SGCZ: variants seen among roughly 807,000 people sequenced by gnomAD.
SGCZ encodes the protein zeta-sarcoglycan.
In SGCZ, 40 loss-of-function variants were observed where a neutral mutation model predicts 41.3. The observed-to-expected ratio is 0.97, with a 90% CI of 0.75 to 1.26. The LOEUF (loss-of-function observed/expected upper bound fraction) is 1.26. Ranked by LOEUF, SGCZ falls within the 50% of genes most tolerant of loss-of-function variation. SGCZ has a pLI of 0.00. For missense variants in SGCZ, 552 were observed against 369.8 expected (o/e 1.49, Z -4.04); for synonymous variants, 206 against 137.5 (o/e 1.50, Z -3.49).
At chr8:14,813,711 G>C (rs931166186) in intron 1 of SGCZ, among the ~76,000 whole-genome samples, 6 of 152,116 alleles carry the variant, frequency 3.9e-5, no homozygotes, top group Non-Finnish European at 8.8e-5. Context: ...CAACACTTTC[G>C]GAGAGGGAGG....
chr8:15,050,369 A>G (rs558013105), intron 1 of SGCZ, among the ~76,000 whole-genome samples: 126 of 152,274 alleles, frequency 8.3e-4, no homozygotes, highest in Middle Eastern at 3.4e-3. Flanking sequence ...GAGCTAACCT[A>G]TTTATGGCAC....
chr8:14,511,023 T>A (rs1486043179), intron 2 of SGCZ, among the ~76,000 whole-genome samples: 1 of 152,034 alleles, frequency 6.6e-6, no homozygotes, highest in Non-Finnish European at 1.5e-5. Context: ...ATATTTATTT[T>A]TCTTTTGGAT....
chr8:14,228,287 G>A (rs1390839848), intron 4 of SGCZ, among the ~76,000 whole-genome samples: 2 of 152,048 alleles, frequency 1.3e-5, no homozygotes, highest in Non-Finnish European at 2.9e-5. Context: ...ACTTGGTTAA[G>A]TATATAAGCT....
At chr8:14,801,046 T>G (rs2130502316) in intron 1 of SGCZ, among the ~76,000 whole-genome samples, 1 of 152,328 alleles carries the variant, frequency 6.6e-6, no homozygotes. Context: ...TGAGTGTTTC[T>G]GAATTATATT....
Position 14,515,168 on chromosome 8 carries a change from A to G in SGCZ, c.234+39564T>C, listed in dbSNP as rs183899204. The stretch of plus-strand genomic sequence containing the variant: ...TCCCTGACTGCATTACCATTGCTTT[A>G]CATGTCACTCCTCCTCCAATAAAAC... On this transcript the variant is annotated intron_variant, in intron 2 of 7. Transcript: ENST00000382080. Among the ~76,000 whole-genome samples the G allele has an allele frequency of 5.2e-3, 795 of 152,012 alleles. 9 individuals are homozygous for G. The highest frequency in any genetic ancestry group is 0.02 in the South Asian group (97 of 4,814).
chr8:14,185,257 A>G (rs532766625), intron 4 of SGCZ, among the ~76,000 whole-genome samples: 2 of 152,214 alleles, frequency 1.3e-5, no homozygotes, highest in African/African-American at 4.8e-5. Context: ...CAAAAAAATT[A>G]GCTGCACATG....
At chr8:14,650,885 T>C (rs970369347) in intron 1 of SGCZ, among the ~76,000 whole-genome samples, 1 of 152,078 alleles carries the variant, frequency 6.6e-6, no homozygotes, top group African/African-American at 2.4e-5. Context: ...AAAATTTTAC[T>C]ATATACAGGC....
chr8:14,687,579 T>C (rs2117559971), intron 1 of SGCZ, among the ~76,000 whole-genome samples: 1 of 152,080 alleles, frequency 6.6e-6, no homozygotes, highest in Non-Finnish European at 1.5e-5. Context: ...CACATTTTCT[T>C]AATCCAGTCT....
chr8:14,334,991 T>A (rs1395074402), intron 2 of SGCZ, among the ~76,000 whole-genome samples: 3 of 152,140 alleles, frequency 2.0e-5, no homozygotes, highest in Admixed American at 6.5e-5. Context: ...GATATCCTTC[T>A]GAGCTGGGAC....
intron 2 of SGCZ, among the ~76,000 whole-genome samples, chr8:14,366,382 G>T (rs1259895350): frequency 6.6e-6 from 1 of 152,074 alleles, no homozygotes. Flanking sequence ...ATCCGATCTT[G>T]TAAGAATTCA....
At chr8:14,730,157 A>G (rs533768453) in intron 1 of SGCZ, among the ~76,000 whole-genome samples, 5 of 152,312 alleles carry the variant, frequency 3.3e-5, no homozygotes, top group South Asian at 2.1e-4. Flanking sequence ...CATCTCATCA[A>G]GAGAATCTTG....
intron 2 of SGCZ, among the ~76,000 whole-genome samples, chr8:14,430,710 G>C (rs10099328): frequency 0.02 from 3,115 of 152,248 alleles, 66 homozygotes; most frequent in African/African-American, 0.039. Flanking sequence ...CCAGACAAGA[G>C]AAAGAAATAA....
At chr8:15,135,238 A>T (rs1030675029) in intron 1 of SGCZ, among the ~76,000 whole-genome samples, 1 of 152,178 alleles carries the variant, frequency 6.6e-6, no homozygotes, top group Non-Finnish European at 1.5e-5. Flanking sequence ...AAAGGCAAAT[A>T]CTCTATTTCT....
At chr8:14,888,894 G>C (rs774671684) in intron 1 of SGCZ, among the ~76,000 whole-genome samples, 4 of 151,814 alleles carry the variant, frequency 2.6e-5, no homozygotes, top group African/African-American at 9.7e-5. Context: ...TAATGATATG[G>C]GTACACTGCT....
At chr8:14,520,176 C>A (rs929104877) in intron 2 of SGCZ, among the ~76,000 whole-genome samples, 8 of 152,188 alleles carry the variant, frequency 5.3e-5, no homozygotes, top group African/African-American at 1.9e-4. Flanking sequence ...TTGGTTCACA[C>A]TATGTAAGAA....
rs368201755 is a variant in SGCZ, at chr8:14,870,231, A to T, written c.40-315305T>A. Among the ~76,000 whole-genome samples the T allele has an allele frequency of 2.6e-4, 40 of 152,240 alleles. 1 individual carries two copies. In the East Asian group the frequency reaches 3.7e-3, roughly 14 times the overall value. ...TACTAGTACCAGAACAGATAGATAGACCAATGGAACAGAAAAGAGGCCTCA... is the reference window on the plus strand; with the variant it reads ...TACTAGTACCAGAACAGATAGATAGTCCAATGGAACAGAAAAGAGGCCTCA... On this transcript the variant is annotated intron_variant, in intron 1 of 7. Transcript: ENST00000382080.
At chr8:15,083,975 G>T (rs1338681192) in intron 1 of SGCZ, among the ~76,000 whole-genome samples, 2 of 147,598 alleles carry the variant, frequency 1.4e-5, no homozygotes, top group Admixed American at 6.6e-5. Flanking sequence ...TTTACATTCA[G>T]TTATCATTTT....
At chr8:14,643,819 T>C (rs925255297) in intron 1 of SGCZ, among the ~76,000 whole-genome samples, 11 of 151,732 alleles carry the variant, frequency 7.2e-5, no homozygotes, top group African/African-American at 2.4e-4. Context: ...GCCTCTATCA[T>C]GAGTCACAGA....
At chr8:14,331,290 A>G (rs1802311340) in intron 2 of SGCZ, among the ~76,000 whole-genome samples, 2 of 152,100 alleles carry the variant, frequency 1.3e-5, no homozygotes, top group African/African-American at 4.8e-5. Flanking sequence ...TCTATGTTAC[A>G]TCAGTAAGAA....
Sources: gnomAD v4.1 joint callset for allele counts (sites outside exome capture counted in the v4.1 genomes callset) on GRCh38, gnomAD v4.1.1 for gene constraint, MANE v1.5 for transcripts, NCBI Gene and HGNC (gene_info 2026-07-23, HGNC 2026-07-21) for gene names.